Variants in KCNT2 observed in about 807,000 individuals in gnomAD.
The protein encoded by KCNT2 is potassium channel subfamily T member 2.
In KCNT2, 67 loss-of-function variants were observed where a neutral mutation model predicts 153.8. That is an observed-to-expected ratio of 0.44 (90% confidence interval 0.36 to 0.53). The LOEUF is 0.53. KCNT2 is among the 20% of genes least tolerant of loss of function. KCNT2 has a pLI of 0.00. For synonymous variants in KCNT2, 500 were observed against 458.8 expected (o/e 1.09, Z -1.15); for missense variants, 975 against 1,354.8 (o/e 0.72, Z 4.40).
At chr1:196,391,380 A>C (rs893707545) in intron 13 of KCNT2, among the ~76,000 whole-genome samples, 1 of 151,418 alleles carries the variant, frequency 6.6e-6, no homozygotes, top group African/African-American at 2.4e-5. Flanking sequence ...CTTTTTCATA[A>C]GACATTTATA....
At chr1:196,264,910 C>A (rs534842214) in intron 25 of KCNT2, among the ~76,000 whole-genome samples, 1 of 152,102 alleles carries the variant, frequency 6.6e-6, no homozygotes, top group African/African-American at 2.4e-5. Context: ...GGATTACAGG[C>A]GTGAGCCACC....
intron 13 of KCNT2, among the ~76,000 whole-genome samples, chr1:196,377,115 AATG>A (rs1669035136): frequency 6.6e-6 from 1 of 152,002 alleles, no homozygotes; most frequent in Non-Finnish European, 1.5e-5. Context: ...GTTTATTGGT[AATG>A]ATATGATCTA....
chr1:196,331,662 G>T (rs1445017083), intron 17 of KCNT2, among the ~76,000 whole-genome samples: 1 of 152,004 alleles, frequency 6.6e-6, no homozygotes, highest in Non-Finnish European at 1.5e-5. Context: ...GGGTCAAAAA[G>T]CCTGAAATAT....
intron 1 of KCNT2, among the ~76,000 whole-genome samples, chr1:196,601,192 C>T (rs931915883): frequency 2.6e-5 from 4 of 152,178 alleles, no homozygotes; most frequent in Non-Finnish European, 4.4e-5. Flanking sequence ...CCCATTTAAT[C>T]TACCAGCATC....
At chr1:196,507,696 G>T (rs376062837) in intron 1 of KCNT2, among the ~76,000 whole-genome samples, 1 of 152,026 alleles carries the variant, frequency 6.6e-6, no homozygotes, top group Non-Finnish European at 1.5e-5. Flanking sequence ...TTTATATAAA[G>T]GATATGTTTT....
intron 1 of KCNT2, among the ~76,000 whole-genome samples, chr1:196,516,287 T>TAGGGCTCTGGGGAATC (rs1682043934): frequency 6.6e-6 from 1 of 151,976 alleles, no homozygotes; most frequent in Non-Finnish European, 1.5e-5. Context: ...ATTGTTGCCT[T>TAGGGCTCTGGGGAATC]AGGGCTCTGG....
chr1:196,362,669 C>T (rs1476140431), intron 14 of KCNT2, among the ~76,000 whole-genome samples: 4 of 152,058 alleles, frequency 2.6e-5, no homozygotes, highest in African/African-American at 7.2e-5. Flanking sequence ...TATTTAAAAC[C>T]TCCTCGAGTT....
At chr1:196,361,432 A>G (rs947084588) in intron 14 of KCNT2, among the ~76,000 whole-genome samples, 11 of 152,086 alleles carry the variant, frequency 7.2e-5, no homozygotes, top group African/African-American at 2.4e-4. Context: ...GAGCCCATTC[A>G]TAAAAAAGCT....
intron 14 of KCNT2, among the ~76,000 whole-genome samples, chr1:196,363,668 G>A (rs981970056): frequency 6.6e-6 from 1 of 151,936 alleles, no homozygotes; most frequent in Non-Finnish European, 1.5e-5. Flanking sequence ...ATACTGTCTT[G>A]GCCTTCTGCC....
chr1:196,312,827 A>T (rs926439362), intron 21 of KCNT2, among the ~76,000 whole-genome samples: 4 of 151,704 alleles, frequency 2.6e-5, no homozygotes, highest in Admixed American at 2.0e-4. Context: ...TCTCTTAGAG[A>T]TGGGGCCCAA....
intron 1 of KCNT2, among the ~76,000 whole-genome samples, chr1:196,516,442 C>T (rs567296107): frequency 6.6e-6 from 1 of 152,134 alleles, no homozygotes; most frequent in Non-Finnish European, 1.5e-5. Context: ...ATCTACAACA[C>T]CCCTGCTGGT....
intron 26 of KCNT2, among the ~76,000 whole-genome samples, chr1:196,254,677 T>C (rs1164946296): frequency 1.3e-5 from 2 of 151,572 alleles, no homozygotes; most frequent in Non-Finnish European, 3.0e-5. Flanking sequence ...CTACTATTAC[T>C]ACTGCTGTTA....
Position 196,441,766 on chromosome 1 carries a change from T to C in KCNT2, c.639-12009A>G, listed in dbSNP as rs930558154. On this transcript the variant is annotated intron_variant, in intron 8 of 27. Coordinates refer to ENST00000294725, the MANE Select transcript of KCNT2 (RefSeq NM_198503.5). Reference sequence around the variant, plus strand: ...GAAAGTGGGAGGGTTCTGTTATTAGTAGGAAAGATGGAGCTTTTAATCATG... The same window carrying C: ...GAAAGTGGGAGGGTTCTGTTATTAGCAGGAAAGATGGAGCTTTTAATCATG... 2.0e-5 allele frequency among the ~76,000 whole-genome samples: 3 copies of C among 151,810 alleles called. No homozygotes were observed. The East Asian group carries it at 5.8e-4, about 30-fold the overall frequency.
chr1:196,236,287 A>G (rs1654430128), intron 26 of KCNT2, among the ~76,000 whole-genome samples: 1 of 151,574 alleles, frequency 6.6e-6, no homozygotes, highest in Non-Finnish European at 1.5e-5. Flanking sequence ...GATGATAACA[A>G]TAAAGTATCT....
At chr1:196,498,560 A>G (rs1453661148) in intron 1 of KCNT2, among the ~76,000 whole-genome samples, 1 of 152,198 alleles carries the variant, frequency 6.6e-6, no homozygotes, top group Non-Finnish European at 1.5e-5. Context: ...CAATGGATGC[A>G]CAGAAGTCTT....
chr1:196,382,756 A>T (rs904630537), intron 13 of KCNT2, among the ~76,000 whole-genome samples: 1 of 152,194 alleles, frequency 6.6e-6, no homozygotes, highest in Non-Finnish European at 1.5e-5. Flanking sequence ...GTGTATTAGA[A>T]AATGAGATAA....
chr1:196,560,150 A>T (rs571570488), intron 1 of KCNT2, among the ~76,000 whole-genome samples: 1 of 151,944 alleles, frequency 6.6e-6, no homozygotes, highest in Non-Finnish European at 1.5e-5. Context: ...GGCATAAAGC[A>T]ATAGTGAACA....
At chr1:196,413,259 T>G (rs973862314) in intron 12 of KCNT2, among the ~76,000 whole-genome samples, 1 of 151,612 alleles carries the variant, frequency 6.6e-6, no homozygotes, top group Non-Finnish European at 1.5e-5. Flanking sequence ...CTGGGTAAAA[T>G]TTAGACTCTG....
At chr1:196,412,776 A>C (rs1052519775) in intron 12 of KCNT2, among the ~76,000 whole-genome samples, 1 of 151,782 alleles carries the variant, frequency 6.6e-6, no homozygotes, top group Non-Finnish European at 1.5e-5. Context: ...TTCAATAAAC[A>C]ATATGTTCAT....
Sources: gnomAD v4.1 joint callset for allele counts (sites outside exome capture counted in the v4.1 genomes callset) on GRCh38, gnomAD v4.1.1 for gene constraint, MANE v1.5 for transcripts, NCBI Gene and HGNC (gene_info 2026-07-23, HGNC 2026-07-21) for gene names.